STAT4: variants seen among roughly 807,000 people sequenced by gnomAD.
The protein encoded by STAT4 is signal transducer and activator of transcription 4.
A neutral mutation model predicts 110.5 loss-of-function variants in STAT4; 42 were observed. The ratio of observed to expected loss-of-function variants is 0.38; its 90% CI spans 0.30 to 0.49. STAT4 has a LOEUF of 0.49. Among genes scored for constraint, STAT4 ranks in the 20% least tolerant of loss-of-function variants. The pLI, the probability that STAT4 is intolerant of heterozygous loss-of-function variation, is 0.95. For synonymous variants in STAT4, 284 were observed against 302.2 expected (o/e 0.94, Z 0.63); for missense variants, 632 against 887.9 (o/e 0.71, Z 3.66).
At chr2:191,133,579 T>TA (rs1699101180) in intron 3 of STAT4, among the ~76,000 whole-genome samples, 1 of 151,768 alleles carries the variant, frequency 6.6e-6, no homozygotes, top group Non-Finnish European at 1.5e-5. Context: ...TATGTTTATT[T>TA]CCAGGCCATA....
In STAT4 at chr2:191,033,781, G is replaced by A. The variant is rs1348599631; in HGVS notation, c.1715+130C>T. 1 of 1,337,756 alleles carries A rather than the reference G, an allele frequency of 7.5e-7. No homozygotes were observed. The highest frequency in any genetic ancestry group is 1.5e-5 in the African/African-American group (1 of 67,510). 82.9% of individuals were successfully genotyped at this position (1,337,756 alleles called of 1,614,324 possible). ...AATATACATAGTGCCACTCCACAAA[G>A]AATAAGAAATTGCAACTATTTTTTT... On this transcript the variant is annotated intron_variant, in intron 19 of 23. Coordinates refer to ENST00000392320, the MANE Select transcript of STAT4 (RefSeq NM_003151.4). This position sits in a 1 kb window ranked among gnomAD's most constrained non-coding sequence, Gnocchi z 6.9.
intron 13 of STAT4, among the ~76,000 whole-genome samples, chr2:191,056,208 C>T (rs1194000238): frequency 6.6e-6 from 1 of 152,064 alleles, no homozygotes; most frequent in Non-Finnish European, 1.5e-5. Context: ...GATTCAGTGG[C>T]GCCCAAACAT....
chr2:191,089,766 T>C (rs1574144692), intron 3 of STAT4, among the ~76,000 whole-genome samples: 1 of 152,262 alleles, frequency 6.6e-6, no homozygotes, highest in South Asian at 2.1e-4. Flanking sequence ...ATGGATGAAA[T>C]TTACATGCAT....
chr2:191,139,154 G>C (rs982904431), intron 3 of STAT4, among the ~76,000 whole-genome samples: 4 of 151,846 alleles, frequency 2.6e-5, no homozygotes, highest in African/African-American at 9.7e-5. Flanking sequence ...ACTGAATGGG[G>C]AAGAGTTGAA....
intron 3 of STAT4, among the ~76,000 whole-genome samples, chr2:191,096,076 T>A (rs187287377): frequency 6.6e-6 from 1 of 152,118 alleles, no homozygotes; most frequent in Non-Finnish European, 1.5e-5. Flanking sequence ...CAGGAAGAAG[T>A]TGAATCCCTG....
chr2:191,064,914 C>T lies in STAT4; in HGVS notation c.675G>A (p.Leu225=), dbSNP rs1696946947. The part of the protein sequence containing the change: ...KMTQIIHETD[L]LMNTMLIEEL... ...CTTCTATGAGCATGGTGTTCATTAA[C>T]AGGTCTGTCTCATGGATGATTTGGG... Residue 225 remains leucine (L), a synonymous_variant, in exon 8 of 24, where the codon CTG becomes CTA. Coordinates refer to ENST00000392320, the MANE Select transcript of STAT4 (RefSeq NM_003151.4). 1.2e-6 allele frequency: 2 copies of T among 1,612,538 alleles called. No individual in the cohort carries two copies. The highest frequency in any genetic ancestry group is 1.7e-6 in the Non-Finnish European group (2 of 1,179,340).
rs1698572930 is a variant in STAT4 at position 191,116,396 on chromosome 2, T to C, written c.273+30217A>G. Among the ~76,000 whole-genome samples, 2 of 152,206 alleles carry C rather than the reference T, an allele frequency of 1.3e-5. No homozygotes were observed. The highest frequency in any genetic ancestry group is 4.8e-5 in the African/African-American group (2 of 41,450). On this transcript the variant is annotated intron_variant, in intron 3 of 23. Coordinates refer to ENST00000392320, the MANE Select transcript of STAT4 (RefSeq NM_003151.4). This position sits in a 1 kb window ranked among gnomAD's most constrained non-coding sequence, Gnocchi z 4.1. Reference sequence around the variant, plus strand: ...TTTAGATAAAGAAGAATCAGCCTAGTTATAATAAAATAGCCCAAGGAAAGT... The same window carrying C: ...TTTAGATAAAGAAGAATCAGCCTAGCTATAATAAAATAGCCCAAGGAAAGT...
chr2:191,101,785 T>C (rs957808372), intron 3 of STAT4, among the ~76,000 whole-genome samples: 1 of 152,154 alleles, frequency 6.6e-6, no homozygotes, highest in East Asian at 1.9e-4. Flanking sequence ...TGTCACTTTA[T>C]AGTATTACAA....
rs776561697 is a variant in STAT4 at position 191,076,205 on chromosome 2, T to C, written c.372+22A>G. 5.8e-5 allele frequency: 92 copies of C among 1,596,048 alleles called. 1 individual carries two copies. The South Asian group carries it at 9.5e-4, about 16-fold the overall frequency. The stretch of plus-strand genomic sequence containing the variant: ...AATTGAGTTCAAGGTGATAACAAGA[T>C]CACAAGGTCAGAAAATATTACCTGG... On this transcript the variant is annotated intron_variant, in intron 4 of 23. Transcript: ENST00000392320.
In STAT4 at chr2:191,146,585, A is replaced by T; in HGVS notation, c.273+28T>A. 6.9e-7 allele frequency: 1 copy of T among 1,446,822 alleles called. No individual in the cohort carries two copies. Among genetic ancestry groups the T allele is most frequent in the Non-Finnish European group, 9.1e-7 (1 of 1,093,524 alleles). 89.6% of individuals were successfully genotyped at this position (1,446,822 alleles called of 1,614,324 possible). ...AAATTTAAGACTCATATATCCAAAT[A>T]TTTTGGAAAAGTAGAATGCATTCTT... On this transcript the variant is annotated intron_variant, in intron 3 of 23. Transcript: ENST00000392320. This position sits in a 1 kb window ranked among gnomAD's most constrained non-coding sequence, Gnocchi z 4.5.
Position 191,031,414 on chromosome 2 carries a change from TATAAA to T in STAT4, c.2111+31_2111+35del. On this transcript the variant is annotated intron_variant, in intron 22 of 23. Coordinates refer to ENST00000392320, the MANE Select transcript of STAT4 (RefSeq NM_003151.4). The surrounding 1 kb of genome is among the most constrained non-coding windows in gnomAD (Gnocchi z 4.8). ...TTAAATCTCCTATAGGAAAGCTTTT[TATAAA>T]AATATTTCACATGTGACTAACATTA... The T allele has an allele frequency of 6.3e-7, 1 of 1,597,986 alleles. No homozygotes were observed. The highest frequency in any genetic ancestry group is 1.1e-5 in the South Asian group (1 of 88,802).
chr2:191,133,142 T>A (rs1310624715), intron 3 of STAT4, among the ~76,000 whole-genome samples: 5 of 151,040 alleles, frequency 3.3e-5, no homozygotes, highest in Non-Finnish European at 7.4e-5. Context: ...TATTTTAAAA[T>A]AATATTTAAT....
In STAT4 at chr2:191,058,692, C is replaced by T. The variant is rs369695279; in HGVS notation, c.1094+18G>A. On this transcript the variant is annotated intron_variant, in intron 11 of 23. Transcript: ENST00000392320. This position sits in a 1 kb window ranked among gnomAD's most constrained non-coding sequence, Gnocchi z 4.3. ...TTACATTTGGAATTGTAATTCAAAA[C>T]GAAATTAGAAAACTTACTTGTCAAT... is the stretch of plus-strand genomic sequence containing the variant. 78 of 1,527,938 alleles carry T rather than the reference C, an allele frequency of 5.1e-5. 1 individual carries two copies. Among genetic ancestry groups the T allele is most frequent in the East Asian group, 1.8e-4 (8 of 43,466 alleles). The allele number at this position is 1,527,938 out of a possible 1,614,324, so 94.6% of individuals were successfully genotyped here.
rs765703067 is a variant in STAT4, at chr2:191,062,929, C to T, written c.783-9G>A. 11 of 1,603,488 alleles carry T rather than the reference C, an allele frequency of 6.9e-6. No homozygotes were observed. Among genetic ancestry groups the T allele is most frequent in the Admixed American group, 5.2e-5 (3 of 58,230 alleles). On this transcript the variant is annotated splice_polypyrimidine_tract_variant and intron_variant, in intron 8 of 23. Transcript: ENST00000392320. This position sits in a 1 kb window ranked among gnomAD's most constrained non-coding sequence, Gnocchi z 4.9. Reference sequence around the variant, plus strand: ...CTGCCAATAGTGTAAAGCTATTGAACAGAAAATGAAAATCAAAGATAGTTT... The same window carrying T: ...CTGCCAATAGTGTAAAGCTATTGAATAGAAAATGAAAATCAAAGATAGTTT...
chr2:191,063,478 A>G (rs2125233844), intron 8 of STAT4, among the ~76,000 whole-genome samples: 1 of 152,264 alleles, frequency 6.6e-6, no homozygotes, highest in East Asian at 1.9e-4. Context: ...AACTGCTTGG[A>G]ATTTTATTCA....
In STAT4 at chr2:191,103,742, C is replaced by G. The variant is rs546185072; in HGVS notation, c.274-27417G>C. Among the ~76,000 whole-genome samples the G allele has an allele frequency of 9.2e-5, 14 of 152,248 alleles. No individual in the cohort carries two copies. The East Asian group carries it at 2.7e-3, about 29-fold the overall frequency. On this transcript the variant is annotated intron_variant, in intron 3 of 23. Transcript: ENST00000392320. ...TAAAAAGAATATACAAGTACTTTCCCTATTTCAACATACACTACAGTTTGT... is the reference window on the plus strand; with the variant it reads ...TAAAAAGAATATACAAGTACTTTCCGTATTTCAACATACACTACAGTTTGT...
At position 191,098,015 on chromosome 2, in the gene STAT4, C is replaced by T. The variant is rs139271466; in HGVS notation, c.274-21690G>A. On this transcript the variant is annotated intron_variant, in intron 3 of 23. Transcript: ENST00000392320. ...CAGCCAACAGACACATGAAAAAATG[C>T]TCATTATCACTAGTTGTCAGAGAAA... Among the ~76,000 whole-genome samples, 786 of 152,204 alleles carry T rather than the reference C, an allele frequency of 5.2e-3. 6 individuals carry two copies. The highest frequency in any genetic ancestry group is 0.018 in the African/African-American group (747 of 41,540).
At chr2:191,045,073 A>C (rs750591199) in intron 14 of STAT4, among the ~76,000 whole-genome samples, 1 of 152,208 alleles carries the variant, frequency 6.6e-6, no homozygotes, top group Non-Finnish European at 1.5e-5. Context: ...ACATATGGAG[A>C]GCTGTAATAA....
At position 191,110,719 on chromosome 2, in the gene STAT4, G is replaced by A. The variant is rs112321777; in HGVS notation, c.274-34394C>T. Reference sequence around the variant, plus strand: ...TTTCAGTTGATACAACTGAAGTACCGTATCACTGAGTTTCTAAAATTTATA... The same window carrying A: ...TTTCAGTTGATACAACTGAAGTACCATATCACTGAGTTTCTAAAATTTATA... On this transcript the variant is annotated intron_variant, in intron 3 of 23. Transcript: ENST00000392320. This position sits in a 1 kb window ranked among gnomAD's most constrained non-coding sequence, Gnocchi z 4.5. 6.6e-5 allele frequency among the ~76,000 whole-genome samples: 10 copies of A among 152,238 alleles called. No individual in the cohort carries two copies. The highest frequency in any genetic ancestry group is 2.1e-4 in the South Asian group (1 of 4,816).
Sources: allele counts gnomAD v4.1 joint callset (sites outside exome capture counted in the v4.1 genomes callset), GRCh38; gene constraint gnomAD v4.1.1; non-coding constraint Gnocchi (gnomAD v3.1); transcripts MANE v1.5; gene names NCBI Gene and HGNC (gene_info 2026-07-23, HGNC 2026-07-21).